PCBP3: variants seen among roughly 807,000 people sequenced by gnomAD.
PCBP3 encodes the protein poly(rC)-binding protein 3.
PCBP3 carries 25 observed loss-of-function variants against 52.7 expected under a neutral mutation model. The observed-to-expected ratio is 0.47, with a 90% CI of 0.35 to 0.66. PCBP3 has a LOEUF of 0.66. Among genes scored for constraint, PCBP3 ranks in the 30% least tolerant of loss-of-function variants. The probability of loss-of-function intolerance (pLI) is 0.01; values close to 1 mark genes in which losing one functional copy is unlikely to be tolerated. For synonymous variants in PCBP3, 162 were observed against 183.0 expected (o/e 0.89, Z 0.93); for missense variants, 391 against 490.3 (o/e 0.80, Z 1.91).
intron 2 of PCBP3, among the ~76,000 whole-genome samples, chr21:45,718,986 AT>A (rs2084420718): frequency 1.3e-5 from 2 of 152,282 alleles, no homozygotes; most frequent in African/African-American, 4.8e-5. Flanking sequence ...GCTCTGTAAA[AT>A]AAAGGAGTGG....
chr21:45,868,223 G>C (rs1241705214), intron 5 of PCBP3, among the ~76,000 whole-genome samples: 1 of 152,224 alleles, frequency 6.6e-6, no homozygotes, highest in Non-Finnish European at 1.5e-5. Context: ...TCGGAGGAGA[G>C]AGCCTAGGGA....
intron 4 of PCBP3, among the ~76,000 whole-genome samples, chr21:45,796,302 G>C (rs748432111): frequency 2.2e-4 from 34 of 152,180 alleles, no homozygotes; most frequent in Non-Finnish European, 4.3e-4. Flanking sequence ...CATAAGTAAA[G>C]TGTTAGAAAA....
chr21:45,844,749 TC>T (rs1040676796), intron 4 of PCBP3, among the ~76,000 whole-genome samples: 2 of 152,060 alleles, frequency 1.3e-5, no homozygotes, highest in Non-Finnish European at 2.9e-5. Context: ...AAACCATGGT[TC>T]TTCTTTCTTC....
chr21:45,817,927 T>C lies in PCBP3; in HGVS notation c.-125-32034T>C, dbSNP rs926422525. 2.6e-5 allele frequency among the ~76,000 whole-genome samples: 4 copies of C among 152,226 alleles called. No individual in the cohort carries two copies. Among genetic ancestry groups the C allele is most frequent in the African/African-American group, 9.6e-5 (4 of 41,452 alleles). The stretch of plus-strand genomic sequence containing the variant: ...ACAATACAGAAAAATTATTGGAAAG[T>C]ATAGAGCGTGCCACCTCCTCCCCTC... On this transcript the variant is annotated intron_variant, in intron 4 of 17. Transcript: ENST00000681687. The surrounding 1 kb of genome is among the most constrained non-coding windows in gnomAD (Gnocchi z 4.3).
Position 45,821,979 on chromosome 21 carries a change from G to C in PCBP3, c.-125-27982G>C, listed in dbSNP as rs554258880. ...TTCCTGACAACTTAGCTATTTATCA[G>C]ACCCCAAAATCATGAGCCTTGAGAA... On this transcript the variant is annotated intron_variant, in intron 4 of 17. Coordinates refer to ENST00000681687, the MANE Select transcript of PCBP3 (RefSeq NM_001384156.1). The surrounding 1 kb of genome is among the most constrained non-coding windows in gnomAD (Gnocchi z 4.4). Among the ~76,000 whole-genome samples, 1 of 152,290 alleles carries C rather than the reference G, an allele frequency of 6.6e-6. No individual in the cohort carries two copies. Among genetic ancestry groups the C allele is most frequent in the South Asian group, 2.1e-4 (1 of 4,824 alleles).
intron 4 of PCBP3, among the ~76,000 whole-genome samples, chr21:45,776,082 T>C (rs1377691387): frequency 6.6e-6 from 1 of 152,230 alleles, no homozygotes; most frequent in Non-Finnish European, 1.5e-5. Context: ...TTTTTCTTTA[T>C]TGACCCAGGA....
At chr21:45,923,657 G>A (rs1375094199) in intron 13 of PCBP3, among the ~76,000 whole-genome samples, 5 of 152,236 alleles carry the variant, frequency 3.3e-5, no homozygotes, top group African/African-American at 9.6e-5. Context: ...AAGCCCAGGG[G>A]AGACATGGAA....
chr21:45,793,831 C>G (rs2091767872), intron 4 of PCBP3, among the ~76,000 whole-genome samples: 1 of 152,108 alleles, frequency 6.6e-6, no homozygotes, highest in Non-Finnish European at 1.5e-5. Context: ...CACAGACAGA[C>G]TAGAATTCAA....
rs907100721 is a variant in PCBP3, at chr21:45,821,108, T to C, written c.-125-28853T>C. Among the ~76,000 whole-genome samples the C allele has an allele frequency of 5.9e-5, 9 of 152,226 alleles. No homozygotes were observed. The highest frequency in any genetic ancestry group is 2.0e-4 in the Admixed American group (3 of 15,290). ...CTGGGCTAACTTGGTACCTTTTCTCTTTTTAGAGGCAGAATCCTTTCTTGA... is the reference window on the plus strand; with the variant it reads ...CTGGGCTAACTTGGTACCTTTTCTCCTTTTAGAGGCAGAATCCTTTCTTGA... On this transcript the variant is annotated intron_variant, in intron 4 of 17. Coordinates refer to ENST00000681687, the MANE Select transcript of PCBP3 (RefSeq NM_001384156.1). The surrounding 1 kb of genome is among the most constrained non-coding windows in gnomAD (Gnocchi z 4.4).
At chr21:45,687,764 A>G (rs1175793751) in intron 2 of PCBP3, among the ~76,000 whole-genome samples, 4 of 151,120 alleles carry the variant, frequency 2.6e-5, no homozygotes, top group Non-Finnish European at 4.4e-5. Flanking sequence ...GAGTCTCGCT[A>G]TGTTGCCCAG....
At chr21:45,768,163 C>T (rs1421516500) in intron 4 of PCBP3, among the ~76,000 whole-genome samples, 6 of 152,192 alleles carry the variant, frequency 3.9e-5, no homozygotes, top group African/African-American at 1.4e-4. Context: ...TGGGGAGAGC[C>T]TGGGCTGTGG....
intron 9 of PCBP3, among the ~76,000 whole-genome samples, chr21:45,908,917 C>T (rs567014003): frequency 1.4e-4 from 21 of 152,292 alleles, no homozygotes; most frequent in Non-Finnish European, 2.4e-4. Flanking sequence ...TCTCTGCCCC[C>T]GTGCCCTCCA....
chr21:45,688,761 G>C (rs1328937608), intron 2 of PCBP3, among the ~76,000 whole-genome samples: 1 of 151,670 alleles, frequency 6.6e-6, no homozygotes, highest in Non-Finnish European at 1.5e-5. Flanking sequence ...AAAAATATCA[G>C]TAGTGAAAAA....
At chr21:45,803,151 C>T (rs931189204) in intron 4 of PCBP3, among the ~76,000 whole-genome samples, 4 of 152,176 alleles carry the variant, frequency 2.6e-5, no homozygotes, top group East Asian at 1.9e-4. Flanking sequence ...TGTGTGGGTG[C>T]GTCCCCTCCT....
At chr21:45,781,129 G>A (rs567624977) in intron 4 of PCBP3, among the ~76,000 whole-genome samples, 150 of 152,290 alleles carry the variant, frequency 9.8e-4, no homozygotes, top group African/African-American at 3.5e-3. Context: ...GGATGACCAA[G>A]CCCTGCTCCT....
intron 4 of PCBP3, among the ~76,000 whole-genome samples, chr21:45,795,626 C>T (rs938092961): frequency 1.3e-5 from 2 of 152,064 alleles, no homozygotes; most frequent in Non-Finnish European, 2.9e-5. Context: ...AAGAAAATGT[C>T]AGAAAACCAG....
chr21:45,836,855 G>T (rs1041563397), intron 4 of PCBP3, among the ~76,000 whole-genome samples: 1 of 152,148 alleles, frequency 6.6e-6, no homozygotes, highest in Admixed American at 6.5e-5. Flanking sequence ...AGGTGTCTTA[G>T]GTTGGTATGT....
At chr21:45,907,828 G>A (rs1035722777) in intron 9 of PCBP3, among the ~76,000 whole-genome samples, 5 of 151,218 alleles carry the variant, frequency 3.3e-5, no homozygotes, top group Admixed American at 1.3e-4. Flanking sequence ...AGGTAGAGTC[G>A]ATGGAGGAGC....
Position 45,917,514 on chromosome 21 carries a change from C to CT in PCBP3, c.676-73dup. The CT allele has an allele frequency of 8.5e-7, 1 of 1,179,468 alleles. No individual in the cohort carries two copies. The highest frequency in any genetic ancestry group is 1.3e-6 in the Non-Finnish European group (1 of 791,594). The allele number at this position is 1,179,468 out of a possible 1,614,324, so 73.1% of individuals were successfully genotyped here. A position where few individuals can be genotyped will look rare whatever the true frequency, so the allele number is the denominator to read the frequency against. ...CTTCTACCGGAGGGTCCTTGTCATGCTGGAGGGTGGCGGCGGGTGCTGAGC... is the reference window on the plus strand; with the variant it reads ...CTTCTACCGGAGGGTCCTTGTCATGCTTGGAGGGTGGCGGCGGGTGCTGAGC... On this transcript the variant is annotated intron_variant, in intron 12 of 17. Transcript: ENST00000681687. The surrounding 1 kb of genome is among the most constrained non-coding windows in gnomAD (Gnocchi z 5.3).
Sources: gnomAD v4.1 joint callset for allele counts (sites outside exome capture counted in the v4.1 genomes callset) on GRCh38, gnomAD v4.1.1 for gene constraint, Gnocchi (gnomAD v3.1) non-coding constraint, MANE v1.5 for transcripts, NCBI Gene and HGNC (gene_info 2026-07-23, HGNC 2026-07-21) for gene names.